The following STEAP1B variants were observed in gnomAD, a reference collection of about 807,000 sequenced individuals.
STEAP1B encodes STEAP family member 1B, also known as STEAP family protein MGC87042.
A neutral mutation model predicts 27.9 loss-of-function variants in STEAP1B; 13 were observed. The observed-to-expected ratio is 0.47, with a 90% CI of 0.30 to 0.74. The LOEUF (loss-of-function observed/expected upper bound fraction) is 0.74, where lower values mean the gene tolerates loss of function less well. Among genes scored for constraint, STEAP1B ranks in the 30% least tolerant of loss-of-function variants. The pLI, the probability that STEAP1B is intolerant of heterozygous loss-of-function variation, is 0.06. For synonymous variants in STEAP1B, 86 were observed against 107.1 expected, an observed-to-expected ratio of 0.80 and a Z score of 1.22; for missense variants, 250 against 298.7, an observed-to-expected ratio of 0.84 and a Z score of 1.20.
intron 1 of STEAP1B, among the ~76,000 whole-genome samples, chr7:22,496,420 C>T (rs1054429553): frequency 2.6e-5 from 4 of 152,096 alleles, no homozygotes; most frequent in African/African-American, 9.7e-5. Flanking sequence ...TTTATAAAGT[C>T]TATAGTAGTG....
chr7:22,439,357 C>A (rs1015200048), intron 4 of STEAP1B, among the ~76,000 whole-genome samples: 7 of 152,136 alleles, frequency 4.6e-5, no homozygotes, highest in African/African-American at 1.7e-4. Context: ...AGCAAAAGAG[C>A]TGCCACATAG....
chr7:22,460,184 C>T (rs187231241), intron 4 of STEAP1B, among the ~76,000 whole-genome samples: 38 of 151,716 alleles, frequency 2.5e-4, no homozygotes, highest in East Asian at 1.9e-3. Flanking sequence ...GGCATGGTGG[C>T]GCGTGCCCAT....
intron 4 of STEAP1B, chr7:22,438,424 A>G (rs1785281653): frequency 1.3e-6 from 2 of 1,488,088 alleles, no homozygotes; most frequent in South Asian, 1.4e-5. Context: ...AGCTTCTACC[A>G]TGGTCTGGTC....
intron 4 of STEAP1B, among the ~76,000 whole-genome samples, chr7:22,434,110 A>G (rs1387879484): frequency 1.3e-5 from 2 of 152,220 alleles, no homozygotes; most frequent in Non-Finnish European, 2.9e-5. Context: ...AAGGATGCAG[A>G]GATAATTGCA....
rs573658297 is a variant in STEAP1B at position 22,494,103 on chromosome 7, T to C, written c.85-267A>G. The stretch of plus-strand genomic sequence containing the variant: ...TTTCATTTTATGCACATTGTTACTC[T>C]TATAAAGTATATGCTTGTAATTTAT... On this transcript the variant is annotated intron_variant, in intron 2 of 4. Transcript: ENST00000678116. Among the ~76,000 whole-genome samples the C allele has an allele frequency of 2.1e-5, 3 of 140,130 alleles. No individual in the cohort carries two copies. In the South Asian group the frequency reaches 7.4e-4, roughly 35 times the overall value. 91.9% of individuals were successfully genotyped at this position (140,130 alleles called of 152,430 possible).
chr7:22,466,325 T>TA (rs1356246750), intron 4 of STEAP1B, among the ~76,000 whole-genome samples: 2 of 152,064 alleles, frequency 1.3e-5, no homozygotes, highest in African/African-American at 4.8e-5. Context: ...ATCACCCAGG[T>TA]AATGAGCATA....
At chr7:22,485,601 A>G (rs534619933) in intron 4 of STEAP1B, among the ~76,000 whole-genome samples, 1 of 152,210 alleles carries the variant, frequency 6.6e-6, no homozygotes, top group South Asian at 2.1e-4. Flanking sequence ...TGATTCTCTC[A>G]CCTTGGCCTC....
At chr7:22,454,849 G>GTATA (rs1345852147) in intron 4 of STEAP1B, among the ~76,000 whole-genome samples, 6 of 100,898 alleles carry the variant, frequency 5.9e-5, no homozygotes, top group South Asian at 3.5e-4. Context: ...ATATATATAT[G>GTATA]TATATATATA....
intron 4 of STEAP1B, among the ~76,000 whole-genome samples, chr7:22,478,981 A>G (rs1361203603): frequency 3.3e-5 from 5 of 152,270 alleles, no homozygotes; most frequent in African/African-American, 1.2e-4. Context: ...CCCAGCTCCC[A>G]GCTGCACCCT....
intron 4 of STEAP1B, among the ~76,000 whole-genome samples, chr7:22,474,987 T>C (rs1265449703): frequency 1.3e-5 from 2 of 152,246 alleles, no homozygotes; most frequent in Non-Finnish European, 1.5e-5. Context: ...ATATGTTCTT[T>C]GAATGAGCTG....
At chr7:22,431,129 C>T (rs1395260636) in intron 4 of STEAP1B, among the ~76,000 whole-genome samples, 2 of 152,218 alleles carry the variant, frequency 1.3e-5, no homozygotes, top group Non-Finnish European at 1.5e-5. Context: ...AATTGACCTA[C>T]ATAATACAAA....
intron 1 of STEAP1B, among the ~76,000 whole-genome samples, chr7:22,496,364 A>G (rs1213300267): frequency 6.6e-6 from 1 of 152,210 alleles, no homozygotes; most frequent in African/African-American, 2.4e-5. Flanking sequence ...GTATTATTAA[A>G]GAAAAAAAAT....
chr7:22,445,816 C>T (rs564197862), intron 4 of STEAP1B, among the ~76,000 whole-genome samples: 11 of 152,296 alleles, frequency 7.2e-5, no homozygotes, highest in Admixed American at 3.9e-4. Context: ...GCAGGAGAGG[C>T]GAAGAGGAAG....
Position 22,444,529 on chromosome 7 carries a change from C to A in STEAP1B, c.763-24693G>T, listed in dbSNP as rs575555927. 1.2e-4 allele frequency among the ~76,000 whole-genome samples: 18 copies of A among 152,308 alleles called. No homozygotes were observed. In the South Asian group the frequency reaches 3.7e-3, roughly 32 times the overall value. ...GATTCCAGGGACCATGGACTCTTTG[C>A]AGACACACTACTCAAACCCATGGAG... On this transcript the variant is annotated intron_variant, in intron 4 of 4. Transcript: ENST00000678116.
At chr7:22,479,451 A>C (rs931560608) in intron 4 of STEAP1B, among the ~76,000 whole-genome samples, 7 of 152,334 alleles carry the variant, frequency 4.6e-5, no homozygotes, top group Admixed American at 4.6e-4. Context: ...GTAGAAAAGA[A>C]GACAGACTTT....
chr7:22,422,261 T>A (rs953244574), intron 4 of STEAP1B, among the ~76,000 whole-genome samples: 5 of 152,322 alleles, frequency 3.3e-5, no homozygotes, highest in Middle Eastern at 3.4e-3. Flanking sequence ...ATATTTCTGG[T>A]TCTATTCAAT....
At chr7:22,459,775 T>G (rs887827337) in intron 4 of STEAP1B, among the ~76,000 whole-genome samples, 1 of 152,212 alleles carries the variant, frequency 6.6e-6, no homozygotes, top group Non-Finnish European at 1.5e-5. Flanking sequence ...ACCCCCGTTA[T>G]GGGTCCCGTC....
At chr7:22,427,691 T>A (rs556500263) in intron 4 of STEAP1B, among the ~76,000 whole-genome samples, 2 of 152,284 alleles carry the variant, frequency 1.3e-5, no homozygotes, top group East Asian at 3.9e-4. Context: ...TGGAAATTAA[T>A]GTAAGCAAGT....
chr7:22,430,560 C>A (rs1341162932), intron 4 of STEAP1B, among the ~76,000 whole-genome samples: 1 of 152,214 alleles, frequency 6.6e-6, no homozygotes, highest in Non-Finnish European at 1.5e-5. Context: ...GTGAGTACAT[C>A]TTTTTCGCTC....
Sources: gnomAD v4.1 joint callset for allele counts (sites outside exome capture counted in the v4.1 genomes callset) on GRCh38, gnomAD v4.1.1 for gene constraint, MANE v1.5 for transcripts, NCBI Gene and HGNC (gene_info 2026-07-23, HGNC 2026-07-21) for gene names.